AGBL3: variants seen among roughly 807,000 people sequenced by gnomAD.
The protein encoded by AGBL3 is cytosolic carboxypeptidase 3.
AGBL3 carries 68 observed loss-of-function variants against 94.5 expected under a neutral mutation model. The observed-to-expected ratio is 0.72, with a 90% confidence interval of 0.59 to 0.88. The LOEUF is 0.88. AGBL3 is among the 40% of genes least tolerant of loss of function. The pLI is 0.00. For synonymous variants in AGBL3, 354 were observed against 370.7 expected (o/e 0.95, Z 0.52); for missense variants, 934 against 1,103.8 (o/e 0.85, Z 2.18).
intron 15 of AGBL3, among the ~76,000 whole-genome samples, chr7:135,106,296 T>C (rs1824708362): frequency 6.6e-6 from 1 of 152,196 alleles, no homozygotes; most frequent in African/African-American, 2.4e-5. Context: ...GGCATCCTTG[T>C]CTTGTGCCAG....
chr7:135,035,864 T>TATAAGG, intron 7 of AGBL3, among the ~76,000 whole-genome samples: 1 of 152,162 alleles, frequency 6.6e-6, no homozygotes, highest in Non-Finnish European at 1.5e-5. Flanking sequence ...AACTTGATAT[T>TATAAGG]CATGCCTTAT....
At chr7:135,103,224 C>A (rs1282436303) in intron 15 of AGBL3, among the ~76,000 whole-genome samples, 1 of 152,146 alleles carries the variant, frequency 6.6e-6, no homozygotes, top group African/African-American at 2.4e-5. Flanking sequence ...ATAATCATTT[C>A]TTCTAATGCT....
intron 4 of AGBL3, among the ~76,000 whole-genome samples, chr7:135,008,330 G>A (rs1323251823): frequency 1.3e-5 from 2 of 152,132 alleles, no homozygotes; most frequent in Admixed American, 6.5e-5. Context: ...ATAAGCCCAT[G>A]TGTCTGTGGT....
chr7:135,083,384 T>G (rs902672795), intron 15 of AGBL3, among the ~76,000 whole-genome samples: 1 of 152,226 alleles, frequency 6.6e-6, no homozygotes, highest in African/African-American at 2.4e-5. Flanking sequence ...GCCCTAAGAC[T>G]GGCACTGCCT....
intron 12 of AGBL3, among the ~76,000 whole-genome samples, chr7:135,061,695 A>G (rs1172040252): frequency 2.0e-5 from 3 of 152,002 alleles, no homozygotes; most frequent in Admixed American, 6.6e-5. Flanking sequence ...TCAATTGACT[A>G]TAAATGCACA....
intron 15 of AGBL3, among the ~76,000 whole-genome samples, chr7:135,088,562 A>C (rs1224898604): frequency 2.0e-5 from 3 of 152,184 alleles, no homozygotes; most frequent in Non-Finnish European, 4.4e-5. Context: ...TTCTTGTAAG[A>C]CCAGTCTAGT....
Position 135,128,693 on chromosome 7 carries a change from T to C in AGBL3, c.2343-6148T>C. 7.5e-6 allele frequency: 10 copies of C among 1,328,216 alleles called. No homozygotes were observed. The South Asian group carries it at 9.7e-5, about 13-fold the overall frequency. The allele number at this position is 1,328,216 out of a possible 1,614,324, so 82.3% of individuals were successfully genotyped here. A position where few individuals can be genotyped will look rare whatever the true frequency, so the allele number is the denominator to read the frequency against. ...TAGTATACCTGAATATTGTCTCTCC[T>C]TTTGAGCTCAAGATTGATTCTCAGA... On this transcript the variant is annotated intron_variant, in intron 16 of 16. Coordinates refer to ENST00000436302, the MANE Select transcript of AGBL3 (RefSeq NM_178563.4).
chr7:135,019,563 T>C (rs1473546952), intron 5 of AGBL3, among the ~76,000 whole-genome samples: 3 of 152,170 alleles, frequency 2.0e-5, no homozygotes, highest in African/African-American at 4.8e-5. Flanking sequence ...TTTAACAAAA[T>C]TGATTAATCA....
chr7:135,126,006 C>G (rs1827822573), intron 16 of AGBL3, among the ~76,000 whole-genome samples: 2 of 152,152 alleles, frequency 1.3e-5, no homozygotes, highest in African/African-American at 4.8e-5. Context: ...CCCTCTCTCA[C>G]CACCCCTGTT....
intron 12 of AGBL3, among the ~76,000 whole-genome samples, chr7:135,060,499 TTCC>T (rs1017827253): frequency 1.1e-4 from 17 of 152,274 alleles, no homozygotes; most frequent in African/African-American, 3.6e-4. Context: ...CTTGAACTTA[TTCC>T]TCCTATCTAA....
intron 11 of AGBL3, among the ~76,000 whole-genome samples, chr7:135,053,856 C>T (rs7776519): frequency 0.49 from 73,739 of 151,852 alleles, 18,260 homozygotes; most frequent in South Asian, 0.66. Flanking sequence ...TCAATGTCTT[C>T]GATTTTAAGA....
chr7:135,077,836 T>G (rs554893640), intron 13 of AGBL3, among the ~76,000 whole-genome samples: 1 of 152,218 alleles, frequency 6.6e-6, no homozygotes, highest in East Asian at 1.9e-4. Context: ...AAGCGGCTGA[T>G]CACCAGTCTC....
intron 12 of AGBL3, among the ~76,000 whole-genome samples, chr7:135,074,404 C>A (rs771084221): frequency 3.3e-5 from 5 of 152,144 alleles, no homozygotes; most frequent in East Asian, 1.9e-4. Flanking sequence ...GGATTAAATT[C>A]TCTAACAAAA....
At chr7:135,061,777 T>C (rs1364558663) in intron 12 of AGBL3, among the ~76,000 whole-genome samples, 1 of 152,070 alleles carries the variant, frequency 6.6e-6, no homozygotes, top group African/African-American at 2.4e-5. Context: ...ACCATTTTGA[T>C]TTCTTAGTTT....
intron 16 of AGBL3, among the ~76,000 whole-genome samples, chr7:135,123,623 A>C (rs1827448085): frequency 6.6e-6 from 1 of 152,156 alleles, no homozygotes; most frequent in Admixed American, 6.5e-5. Flanking sequence ...GAAGGAAAAA[A>C]TGTTAAGGGC....
intron 8 of AGBL3, among the ~76,000 whole-genome samples, chr7:135,038,875 T>G (rs371612719): frequency 2.2e-4 from 34 of 151,476 alleles, no homozygotes; most frequent in African/African-American, 7.5e-4. Context: ...AGGAGAATGG[T>G]GTGAACCCAG....
chr7:135,067,080 G>T (rs925510196), intron 12 of AGBL3, among the ~76,000 whole-genome samples: 36 of 152,220 alleles, frequency 2.4e-4, no homozygotes, highest in African/African-American at 8.4e-4. Flanking sequence ...CAGCACACCA[G>T]GAGATTATAT....
At chr7:135,090,455 G>A (rs573928268) in intron 15 of AGBL3, among the ~76,000 whole-genome samples, 5 of 152,244 alleles carry the variant, frequency 3.3e-5, no homozygotes, top group East Asian at 1.9e-4. Flanking sequence ...AGGGTACTAC[G>A]TCAGCTCAGT....
chr7:135,038,134 T>G (rs890805101), intron 8 of AGBL3, among the ~76,000 whole-genome samples: 3 of 152,336 alleles, frequency 2.0e-5, no homozygotes, highest in Admixed American at 2.0e-4. Flanking sequence ...ATTTTAATCA[T>G]TCTTTAGGGA....
Sources: allele counts gnomAD v4.1 joint callset (sites outside exome capture counted in the v4.1 genomes callset), GRCh38; gene constraint gnomAD v4.1.1; transcripts MANE v1.5; gene names NCBI Gene and HGNC (gene_info 2026-07-23, HGNC 2026-07-21).